GRM5: variants seen among roughly 807,000 people sequenced by gnomAD.
GRM5 encodes metabotropic glutamate receptor 5.
In GRM5, 19 loss-of-function variants were observed where a neutral mutation model predicts 83.1. The observed-to-expected ratio is 0.23, with a 90% CI of 0.16 to 0.34. The LOEUF (loss-of-function observed/expected upper bound fraction) is 0.34. Ranked by LOEUF, GRM5 falls within the 10% of genes least tolerant of loss-of-function variation. The pLI, the probability that GRM5 is intolerant of heterozygous loss-of-function variation, is 1.00. For missense variants in GRM5, 1,160 were observed against 1,588.3 expected (o/e 0.73, Z 4.58); for synonymous variants, 675 against 633.6 (o/e 1.07, Z -0.98).
At chr11:88,909,037 G>C (rs1385910955) in intron 2 of GRM5, among the ~76,000 whole-genome samples, 1 of 152,106 alleles carries the variant, frequency 6.6e-6, no homozygotes, top group Non-Finnish European at 1.5e-5. Flanking sequence ...CTTTCTTGGA[G>C]ACGTTGAGTC....
At chr11:88,597,385 T>A in intron 5 of GRM5, 33 bp from the exon 6 acceptor site, 1 of 1,185,882 alleles carries the variant, frequency 8.4e-7, no homozygotes, top group African/African-American at 1.5e-5. Context: ...TTATGCAGCT[T>A]AAGATGTAAA....
chr11:88,927,229 C>T (rs1208980581), intron 2 of GRM5, among the ~76,000 whole-genome samples: 2 of 129,446 alleles, frequency 1.5e-5, no homozygotes, highest in African/African-American at 2.6e-5. Context: ...GGCCTTATTT[C>T]GATTCTTCTA....
At chr11:88,675,977 A>G (rs540667715) in intron 3 of GRM5, among the ~76,000 whole-genome samples, 49 of 152,166 alleles carry the variant, frequency 3.2e-4, no homozygotes, top group Non-Finnish European at 4.4e-4. Context: ...AGTGATAAAC[A>G]TCCAATGCTG....
chr11:88,574,354 T>C (rs1351524414), intron 7 of GRM5, among the ~76,000 whole-genome samples: 1 of 152,116 alleles, frequency 6.6e-6, no homozygotes, highest in African/African-American at 2.4e-5. Context: ...TAGGCAGAAG[T>C]CTAAAATCAA....
chr11:88,980,578 T>C (rs2135022177), intron 2 of GRM5, among the ~76,000 whole-genome samples: 1 of 152,240 alleles, frequency 6.6e-6, no homozygotes, highest in Admixed American at 6.5e-5. Context: ...ATCCCAACAC[T>C]TTGGGAGGCA....
chr11:88,867,657 C>T (rs1449035393), intron 2 of GRM5, among the ~76,000 whole-genome samples: 1 of 151,294 alleles, frequency 6.6e-6, no homozygotes, highest in Non-Finnish European at 1.5e-5. Flanking sequence ...TATGGGTGGT[C>T]CCTAATCTAG....
intron 4 of GRM5, among the ~76,000 whole-genome samples, chr11:88,644,885 G>C (rs1939397182): frequency 6.6e-6 from 1 of 152,106 alleles, no homozygotes; most frequent in African/African-American, 2.4e-5. Flanking sequence ...GGAGAGCACT[G>C]TGGGGAAATG....
chr11:88,770,455 AT>A (rs1269924887), intron 3 of GRM5, among the ~76,000 whole-genome samples: 1 of 152,132 alleles, frequency 6.6e-6, no homozygotes, highest in Non-Finnish European at 1.5e-5. Flanking sequence ...TAATGTAGGA[AT>A]TCTTTGTACT....
chr11:88,689,388 A>G (rs1940724253), intron 3 of GRM5, among the ~76,000 whole-genome samples: 1 of 152,210 alleles, frequency 6.6e-6, no homozygotes, highest in African/African-American at 2.4e-5. Flanking sequence ...AGGTGTGAAG[A>G]CTTCTTAGAG....
intron 4 of GRM5, among the ~76,000 whole-genome samples, chr11:88,648,203 C>T (rs531542147): frequency 4.3e-4 from 65 of 151,424 alleles, no homozygotes; most frequent in East Asian, 3.1e-3. Flanking sequence ...CACATGCACA[C>T]GTATGTTTAT....
At chr11:88,569,171 G>A (rs183061222) in intron 7 of GRM5, among the ~76,000 whole-genome samples, 22 of 152,258 alleles carry the variant, frequency 1.4e-4, no homozygotes, top group African/African-American at 4.8e-4. Flanking sequence ...GTCTGAGTGT[G>A]ACATGGGCAT....
chr11:88,884,031 C>A (rs1164881873), intron 2 of GRM5, among the ~76,000 whole-genome samples: 1 of 152,124 alleles, frequency 6.6e-6, no homozygotes, highest in Admixed American at 6.5e-5. Flanking sequence ...ACAGAGTCCC[C>A]ACTAGGGCAC....
chr11:88,986,727 C>CTTTTTTTTTTTTTTTTTTTTTTGTT (rs60281684), intron 2 of GRM5, among the ~76,000 whole-genome samples: 1 of 93,116 alleles, frequency 1.1e-5, no homozygotes, highest in Non-Finnish European at 2.0e-5. Flanking sequence ...TTTATTTTTG[C>CTTTTTTTTTTTTTTTTTTTTTTGTT]TTTTTTTTTT....
At chr11:89,049,727 C>G (rs1941716970) in intron 1 of GRM5, among the ~76,000 whole-genome samples, 1 of 152,078 alleles carries the variant, frequency 6.6e-6, no homozygotes, top group South Asian at 2.1e-4. Flanking sequence ...ACCAGATGTT[C>G]CAGAATAACT....
intron 3 of GRM5, among the ~76,000 whole-genome samples, chr11:88,693,499 A>G (rs1421123021): frequency 6.6e-6 from 1 of 152,156 alleles, no homozygotes; most frequent in Non-Finnish European, 1.5e-5. Flanking sequence ...TGGAGGAAAA[A>G]AAGTATTCAC....
At chr11:88,898,497 T>C (rs1412020437) in intron 2 of GRM5, among the ~76,000 whole-genome samples, 1 of 151,964 alleles carries the variant, frequency 6.6e-6, no homozygotes, top group African/African-American at 2.4e-5. Flanking sequence ...ACTGACTGTC[T>C]GTAGCATTAA....
At chr11:89,012,106 T>TGGAG (rs755759221) in intron 2 of GRM5, among the ~76,000 whole-genome samples, 29 of 151,898 alleles carry the variant, frequency 1.9e-4, no homozygotes, top group Non-Finnish European at 2.8e-4. Context: ...AAAGAGAGAA[T>TGGAG]GGAGGGAGTG....
chr11:88,738,373 T>G (rs1455350106), intron 3 of GRM5, among the ~76,000 whole-genome samples: 1 of 152,030 alleles, frequency 6.6e-6, no homozygotes, highest in Non-Finnish European at 1.5e-5. Context: ...ATTTCCTAAA[T>G]TTTGTTATAA....
intron 4 of GRM5, among the ~76,000 whole-genome samples, chr11:88,635,939 A>G (rs1308275893): frequency 6.6e-6 from 1 of 152,210 alleles, no homozygotes; most frequent in Non-Finnish European, 1.5e-5. Flanking sequence ...TTAAAATTTT[A>G]GTTTCTAATT....
Sources: gnomAD v4.1 joint callset for allele counts (sites outside exome capture counted in the v4.1 genomes callset) on GRCh38, gnomAD v4.1.1 for gene constraint, MANE v1.5 for transcripts, NCBI Gene and HGNC (gene_info 2026-07-23, HGNC 2026-07-21) for gene names.